The following SIRPA variants were observed in gnomAD, a reference collection of about 807,000 sequenced individuals.
SIRPA encodes the protein signal regulatory protein alpha.
A neutral mutation model predicts 50.3 loss-of-function variants in SIRPA; 9 were observed. The observed-to-expected ratio is 0.18, with a 90% CI of 0.11 to 0.31. SIRPA has a LOEUF of 0.31. SIRPA is among the 10% of genes least tolerant of loss of function. The pLI, the probability that SIRPA is intolerant of heterozygous loss-of-function variation, is 1.00. For missense variants in SIRPA, 474 were observed against 661.6 expected (o/e 0.72, Z 3.11); for synonymous variants, 265 against 284.1 (o/e 0.93, Z 0.68).
intron 1 of SIRPA, among the ~76,000 whole-genome samples, chr20:1,906,352 C>CTT (rs1363242231): frequency 6.6e-6 from 1 of 152,152 alleles, no homozygotes; most frequent in Non-Finnish European, 1.5e-5. Context: ...GAGATGAGCG[C>CTT]TTTTAAAAAA....
At chr20:1,894,921 G>C (rs908964247), upstream of SIRPA, 2 of 146,622 alleles carry the variant, frequency 1.4e-5, no homozygotes, top group Non-Finnish European at 3.0e-5. This position sits in a 1 kb window ranked among gnomAD's most constrained non-coding sequence, Gnocchi z 4.0. Context: ...CTGCGGGCCG[G>C]GAGCGAGCCC....
intron 5 of SIRPA, among the ~76,000 whole-genome samples, chr20:1,925,557 CTGTGTGTG>C (rs1287943580): frequency 6.6e-6 from 1 of 152,128 alleles, no homozygotes; most frequent in Non-Finnish European, 1.5e-5. Flanking sequence ...ACGTGTGTGT[CTGTGTGTG>C]TGTGCTGGTT....
At chr20:1,920,929 G>T (rs992817662) in intron 2 of SIRPA, among the ~76,000 whole-genome samples, 2 of 152,204 alleles carry the variant, frequency 1.3e-5, no homozygotes, top group Non-Finnish European at 2.9e-5. Flanking sequence ...GTGCCAGGCC[G>T]CCCCTCTCAT....
At chr20:1,918,533 G>A (rs1358777839) in intron 2 of SIRPA, among the ~76,000 whole-genome samples, 1 of 151,872 alleles carries the variant, frequency 6.6e-6, no homozygotes, top group Non-Finnish European at 1.5e-5. Flanking sequence ...ATTTTAAGAT[G>A]TGTTACCTTG....
At chr20:1,920,422 A>C (rs1357495331) in intron 2 of SIRPA, among the ~76,000 whole-genome samples, 1 of 152,180 alleles carries the variant, frequency 6.6e-6, no homozygotes, top group Non-Finnish European at 1.5e-5. Flanking sequence ...ATGATTAGCA[A>C]TTTGGAGACA....
chr20:1,937,221 A>T lies in SIRPA; in HGVS notation c.1267-99A>T. 1 of 1,413,224 alleles carries T rather than the reference A, an allele frequency of 7.1e-7. No homozygotes were observed. Among genetic ancestry groups the T allele is most frequent in the Non-Finnish European group, 9.7e-7 (1 of 1,029,874 alleles). The allele number at this position is 1,413,224 out of a possible 1,614,324, so 87.5% of individuals were successfully genotyped here. A position where few individuals can be genotyped will look rare whatever the true frequency, so the allele number is the denominator to read the frequency against. ...GGCTGAGCCAGTGTGGGCCGAGAGG[A>T]CACAGAAGCATCCAGACTTGGTATT... On this transcript the variant is annotated intron_variant, in intron 7 of 7. Coordinates refer to ENST00000358771, the MANE Select transcript of SIRPA (RefSeq NM_001040023.2). The surrounding 1 kb of genome is among the most constrained non-coding windows in gnomAD (Gnocchi z 8.3).
At position 1,932,110 on chromosome 20, in the gene SIRPA, G is replaced by A. The variant is rs1374513336; in HGVS notation, c.1227-2605G>A. 1.3e-5 allele frequency among the ~76,000 whole-genome samples: 2 copies of A among 152,112 alleles called. No individual in the cohort carries two copies. The highest frequency in any genetic ancestry group is 2.4e-5 in the African/African-American group (1 of 41,418). ...CAGCAAATACATATGGACTGCTGAC[G>A]ATGTGCCAGCCCAGTTCTTGGTGCT... On this transcript the variant is annotated intron_variant, in intron 6 of 7. Transcript: ENST00000358771. The surrounding 1 kb of genome is among the most constrained non-coding windows in gnomAD (Gnocchi z 6.0).
At chr20:1,897,427 G>C in intron 1 of SIRPA, among the ~76,000 whole-genome samples, 1 of 152,192 alleles carries the variant, frequency 6.6e-6, no homozygotes, top group South Asian at 2.1e-4. Context: ...TGTTCTTCGG[G>C]GTCCTGGTCA....
At chr20:1,915,635 G>C (rs770917438) in intron 2 of SIRPA, among the ~76,000 whole-genome samples, 180 bp downstream of exon 2, 15 of 152,316 alleles carry the variant, frequency 9.8e-5, no homozygotes, top group Non-Finnish European at 2.1e-4. Flanking sequence ...TTTGCTGAAG[G>C]CTCCACAGCT....
chr20:1,926,822 C>CT (rs1236504566), intron 5 of SIRPA, among the ~76,000 whole-genome samples: 2 of 152,246 alleles, frequency 1.3e-5, no homozygotes, highest in African/African-American at 2.4e-5. Flanking sequence ...TCCGCCATAA[C>CT]TAGACCCCCC....
At position 1,936,828 on chromosome 20, in the gene SIRPA, G is replaced by A. The variant is rs1986602793; in HGVS notation, c.1267-492G>A. Among the ~76,000 whole-genome samples the A allele has an allele frequency of 2.0e-5, 3 of 152,166 alleles. No individual in the cohort carries two copies. The highest frequency in any genetic ancestry group is 4.8e-5 in the African/African-American group (2 of 41,440). ...GTCCTGGGTAGCGGGCCCTGTGATG[G>A]AAAACAAACATGGGCTGAGGAAGCA... On this transcript the variant is annotated intron_variant, in intron 7 of 7. Transcript: ENST00000358771. This position sits in a 1 kb window ranked among gnomAD's most constrained non-coding sequence, Gnocchi z 4.2.
At chr20:1,901,513 G>A (rs1984210231) in intron 1 of SIRPA, among the ~76,000 whole-genome samples, 1 of 152,108 alleles carries the variant, frequency 6.6e-6, no homozygotes. Context: ...TGAGGTGGGG[G>A]CAGTGTGTGT....
chr20:1,925,908 A>G (rs1046275595), intron 5 of SIRPA, among the ~76,000 whole-genome samples: 1 of 152,184 alleles, frequency 6.6e-6, no homozygotes, highest in Non-Finnish European at 1.5e-5. Context: ...AACCCAACAC[A>G]TACACACACC....
At chr20:1,916,356 G>A (rs538624874) in intron 2 of SIRPA, among the ~76,000 whole-genome samples, 1 of 152,242 alleles carries the variant, frequency 6.6e-6, no homozygotes, top group Non-Finnish European at 1.5e-5. Flanking sequence ...AGATGACAGG[G>A]GCCTTGTCCA....
chr20:1,908,731 G>T (rs572762691), intron 1 of SIRPA, among the ~76,000 whole-genome samples: 11 of 152,244 alleles, frequency 7.2e-5, no homozygotes, highest in Non-Finnish European at 1.3e-4. Context: ...GTACAGCCCT[G>T]TACTACATCC....
rs1280574621 is a variant in SIRPA, at chr20:1,939,080, G to GGT, written c.*1516_*1517dup. The GGT allele has an allele frequency of 6.6e-6, 1 of 152,624 alleles. No individual in the cohort carries two copies. Among genetic ancestry groups the GGT allele is most frequent in the African/African-American group, 2.4e-5 (1 of 41,440 alleles). The allele number at this position is 152,624 out of a possible 1,614,324, so 9.5% of individuals were successfully genotyped here. Reference sequence around the variant, plus strand: ...CTCTGTCCCAGAAGGTTGGCCAGAGGGTGTGACCCAGTTACCCTTTAACCC... The same window carrying GGT: ...CTCTGTCCCAGAAGGTTGGCCAGAGGGTGTGTGACCCAGTTACCCTTTAACCC... On this transcript the variant is annotated 3_prime_UTR_variant, in exon 8 of 8. Transcript: ENST00000358771. The surrounding 1 kb of genome is among the most constrained non-coding windows in gnomAD (Gnocchi z 4.7).
chr20:1,928,362 G>A lies in SIRPA; in HGVS notation c.1226+463G>A, dbSNP rs1459983629. On this transcript the variant is annotated intron_variant, in intron 6 of 7. Transcript: ENST00000358771. This position sits in a 1 kb window ranked among gnomAD's most constrained non-coding sequence, Gnocchi z 4.9. ...GTGCCCTCTGCAAGCTCACAGCCTGGTCAGAGGCTCAGACGGTGACATTAC... is the reference window on the plus strand; with the variant it reads ...GTGCCCTCTGCAAGCTCACAGCCTGATCAGAGGCTCAGACGGTGACATTAC... 6.6e-6 allele frequency among the ~76,000 whole-genome samples: 1 copy of A among 152,202 alleles called. No homozygotes were observed. The highest frequency in any genetic ancestry group is 1.5e-5 in the Non-Finnish European group (1 of 68,042).
At chr20:1,899,777 A>G (rs1228882281) in intron 1 of SIRPA, among the ~76,000 whole-genome samples, 1 of 152,178 alleles carries the variant, frequency 6.6e-6, no homozygotes, top group African/African-American at 2.4e-5. Flanking sequence ...TGACTTGGAC[A>G]ATTTGCAGGA....
Position 1,895,467 on chromosome 20 carries a change from C to T in SIRPA, c.20C>T (p.Ala7Val), listed in dbSNP as rs755781590. The T allele has an allele frequency of 1.6e-3, 2,316 of 1,426,888 alleles. 4 individuals carry two copies. Among genetic ancestry groups the T allele is most frequent in the Non-Finnish European group, 2.0e-3 (2,148 of 1,096,318 alleles). The allele number at this position is 1,426,888 out of a possible 1,614,324, so 88.4% of individuals were successfully genotyped here. ...CGGCCCATGGAGCCCGCCGGCCCGG[C>T]CCCCGGCCGCCTCGGGCCGCTGCTC... MEPAGP[A>V]PGRLGPLLCL... The change falls in exon 1 of 8, where the codon GCC becomes GTC. Residue 7 changes from alanine to valine, a missense_variant. This residue lies in a region of SIRPA where 72 missense variants were observed against 76.2 expected (regional missense o/e 0.94). Transcript: ENST00000358771.
Sources: gnomAD v4.1 joint callset for allele counts (sites outside exome capture counted in the v4.1 genomes callset) on GRCh38, gnomAD v4.1.1 for gene constraint, gnomAD v4.1.1 regional missense constraint, Gnocchi (gnomAD v3.1) non-coding constraint, MANE v1.5 for transcripts, NCBI Gene and HGNC (gene_info 2026-07-23, HGNC 2026-07-21) for gene names.